The following SMC1B variants were observed in gnomAD, a reference collection of about 807,000 sequenced individuals.
SMC1B encodes structural maintenance of chromosomes 1B.
Under a neutral mutation model 157.9 loss-of-function variants are expected in SMC1B, and 60 were observed. The ratio of observed to expected loss-of-function variants is 0.38; its 90% confidence interval spans 0.31 to 0.47. The LOEUF (loss-of-function observed/expected upper bound fraction) is 0.47. Among genes scored for constraint, SMC1B ranks in the 20% least tolerant of loss-of-function variants. The probability of loss-of-function intolerance (pLI) is 0.99; values close to 1 mark genes in which losing one functional copy is unlikely to be tolerated. For synonymous variants in SMC1B, 445 were observed against 483.0 expected (o/e 0.92, Z 1.03); for missense variants, 1,165 against 1,426.2 (o/e 0.82, Z 2.95).
chr22:45,374,089 GGTT>G (rs1340169122), intron 12 of SMC1B, among the ~76,000 whole-genome samples: 17 of 120,176 alleles, frequency 1.4e-4, no homozygotes, highest in African/African-American at 2.8e-4. Flanking sequence ...AAACAAAGAC[GGTT>G]TTTTTTTTTT....
At position 45,355,012 on chromosome 22, in the gene SMC1B, C is replaced by T. The variant is rs1323135739; in HGVS notation, c.3065G>A (p.Arg1022Gln). ...ILLKTAAPNL[R>Q]ALENLKTVRD... ...GACAGTCTTTAAGTTCTCCAGTGCT[C>T]GTAGGTTTGGGGCTGCTGTTTTCAG... Residue 1022 changes from arginine to glutamine, a missense_variant, in exon 20 of 25, where the codon CGA (arginine) becomes CAA (glutamine). Coordinates refer to ENST00000357450, the MANE Select transcript of SMC1B (RefSeq NM_148674.5). 4 of 1,614,134 alleles carry T rather than the reference C, an allele frequency of 2.5e-6. No individual in the cohort carries two copies. Among genetic ancestry groups the T allele is most frequent in the Non-Finnish European group, 1.7e-6 (2 of 1,180,028 alleles).
In SMC1B at chr22:45,354,096, C is replaced by T; in HGVS notation, c.3155G>A (p.Arg1052Lys). 6.3e-7 allele frequency: 1 copy of T among 1,592,326 alleles called. No individual in the cohort carries two copies. Among genetic ancestry groups the T allele is most frequent in the Non-Finnish European group, 8.5e-7 (1 of 1,172,862 alleles). The stretch of plus-strand genomic sequence containing the variant: ...TTTTTTCACTTGCTCGAACTCTTGC[C>T]TACACAGTCTGGCTTCCTTTCTGCT... Reference protein sequence around the residue: ...EASRKEARLCRQEFEQVKKRR... With the variant: ...EASRKEARLCKQEFEQVKKRR... The change falls in exon 21 of 25, where the codon AGG (arginine) becomes AAG (lysine). Residue 1052 changes from arginine to lysine, a missense_variant. Arg to Lys is a conservative substitution (Grantham distance 26). Coordinates refer to ENST00000357450, the MANE Select transcript of SMC1B (RefSeq NM_148674.5).
intron 21 of SMC1B, 55 bp downstream of exon 21, chr22:45,353,923 A>AAAAAAAAAAAAAAAAAAAAAAC: frequency 9.6e-7 from 1 of 1,036,896 alleles, no homozygotes; most frequent in Non-Finnish European, 1.4e-6. Context: ...AAAAAAAACA[A>AAAAAAAAAAAAAAAAAAAAAAC]CCACCACCGG....
Position 45,388,912 on chromosome 22 carries a change from G to A in SMC1B, c.1731+800C>T, listed in dbSNP as rs1296445933. ...TGAGGCAGGAGAATTGCTTGAACCC[G>A]GAAGGTGGAGGCTGCAGTGAACCAA... On this transcript the variant is annotated intron_variant, in intron 10 of 24. Coordinates refer to ENST00000357450, the MANE Select transcript of SMC1B (RefSeq NM_148674.5). 3.5e-5 allele frequency among the ~76,000 whole-genome samples: 5 copies of A among 142,174 alleles called. No homozygotes were observed. The East Asian group carries it at 8.2e-4, about 23-fold the overall frequency. 93.3% of individuals were successfully genotyped at this position (142,174 alleles called of 152,430 possible).
chr22:45,378,391 G>A (rs1012474239), intron 12 of SMC1B, among the ~76,000 whole-genome samples: 3 of 152,096 alleles, frequency 2.0e-5, no homozygotes, highest in African/African-American at 7.2e-5. Flanking sequence ...TTGTGGCCGA[G>A]CATATGATCA....
At chr22:45,358,012 T>C (rs2086686012) in intron 19 of SMC1B, among the ~76,000 whole-genome samples, 2 of 152,160 alleles carry the variant, frequency 1.3e-5, no homozygotes, top group African/African-American at 2.4e-5. Flanking sequence ...GGATCACCAA[T>C]TGCCCATGAT....
At chr22:45,379,116 G>C (rs1324723320) in intron 12 of SMC1B, among the ~76,000 whole-genome samples, 2 of 152,100 alleles carry the variant, frequency 1.3e-5, no homozygotes, top group Non-Finnish European at 2.9e-5. Flanking sequence ...TGAGTAGCTG[G>C]GACTGCAGGT....
intron 19 of SMC1B, 60 bp downstream of exon 19, chr22:45,358,637 G>T (rs5764701): frequency 0.47 from 474,920 of 1,003,880 alleles, 119,038 homozygotes; most frequent in Non-Finnish European, 0.53. Context: ...AAAATGATTC[G>T]GTAAGATTTA....
intron 12 of SMC1B, among the ~76,000 whole-genome samples, chr22:45,378,560 A>T (rs945736102): frequency 7.9e-5 from 12 of 152,190 alleles, no homozygotes; most frequent in African/African-American, 2.9e-4. Flanking sequence ...AAACTAAAGC[A>T]TAAAAGCGTG....
intron 15 of SMC1B, among the ~76,000 whole-genome samples, chr22:45,369,625 C>T (rs2086811147): frequency 6.7e-6 from 1 of 148,810 alleles, no homozygotes; most frequent in East Asian, 2.0e-4. Flanking sequence ...TCACTGCAAG[C>T]TCCGCCTCCT....
chr22:45,383,001 C>T (rs1331878104), intron 12 of SMC1B, among the ~76,000 whole-genome samples: 3 of 152,030 alleles, frequency 2.0e-5, no homozygotes, highest in Admixed American at 6.6e-5. Flanking sequence ...GGCATGGTGG[C>T]ACATGCCTGT....
At chr22:45,393,098 G>C (rs949731350) in intron 9 of SMC1B, among the ~76,000 whole-genome samples, 4 of 152,072 alleles carry the variant, frequency 2.6e-5, no homozygotes, top group African/African-American at 7.2e-5. Flanking sequence ...TGATGTTAGG[G>C]ACAAGAGGAT....
At chr22:45,412,997 G>A (rs1207523665) in intron 1 of SMC1B, among the ~76,000 whole-genome samples, 1 of 152,176 alleles carries the variant, frequency 6.6e-6, no homozygotes, top group Non-Finnish European at 1.5e-5. Context: ...CAGGAGTGAG[G>A]GCAGAGAACA....
intron 4 of SMC1B, among the ~76,000 whole-genome samples, chr22:45,405,604 G>A (rs929116369): frequency 6.6e-6 from 1 of 151,824 alleles, no homozygotes; most frequent in East Asian, 1.9e-4. Context: ...TGGAAAGTTA[G>A]GATCTGATTT....
At chr22:45,393,541 G>T in intron 9 of SMC1B, 93 bp downstream of exon 9, 1 of 887,850 alleles carries the variant, frequency 1.1e-6, no homozygotes, top group Non-Finnish European at 1.7e-6. Flanking sequence ...TGTAATAATG[G>T]TAATATTTCT....
chr22:45,367,811 C>A (rs1402525592), intron 15 of SMC1B, among the ~76,000 whole-genome samples: 1 of 152,170 alleles, frequency 6.6e-6, no homozygotes, highest in Non-Finnish European at 1.5e-5. Context: ...AGATGTAAGT[C>A]CAATTCTCTT....
intron 6 of SMC1B, among the ~76,000 whole-genome samples, chr22:45,397,284 A>G (rs1350314259): frequency 6.6e-6 from 1 of 152,184 alleles, no homozygotes; most frequent in Non-Finnish European, 1.5e-5. Flanking sequence ...TGGGAAGCCG[A>G]GGCAAGAGGA....
intron 11 of SMC1B, among the ~76,000 whole-genome samples, chr22:45,384,045 T>C (rs1403004736): frequency 6.6e-6 from 1 of 152,214 alleles, no homozygotes; most frequent in Non-Finnish European, 1.5e-5. Context: ...AAGAATCTCT[T>C]TCCCCATAAA....
At chr22:45,392,200 C>T (rs375068592) in intron 9 of SMC1B, among the ~76,000 whole-genome samples, 14 of 152,184 alleles carry the variant, frequency 9.2e-5, no homozygotes, top group Admixed American at 1.3e-4. Context: ...CCATCCACTT[C>T]GGCCTCCCAA....
Sources: gnomAD v4.1 joint callset for allele counts (sites outside exome capture counted in the v4.1 genomes callset) on GRCh38, gnomAD v4.1.1 for gene constraint, MANE v1.5 for transcripts, NCBI Gene and HGNC (gene_info 2026-07-23, HGNC 2026-07-21) for gene names.